The following RNPS1 variants were observed in gnomAD, a reference collection of about 807,000 sequenced individuals.
The protein encoded by RNPS1 is RNA binding protein with serine rich domain 1.
For synonymous variants in RNPS1, 147 were observed against 150.0 expected, an observed-to-expected ratio of 0.98 and a Z score of 0.15; for missense variants, 300 against 427.6, an observed-to-expected ratio of 0.70 and a Z score of 2.63.
At chr16:2,259,664 C>T (rs932566153) in intron 6 of RNPS1, among the ~76,000 whole-genome samples, 26 of 152,066 alleles carry the variant, frequency 1.7e-4, no homozygotes, top group African/African-American at 6.3e-4. Context: ...CTGAGGCGGG[C>T]GGATCACGAG....
intron 1 of RNPS1, chr16:2,267,216 A>T: frequency 1.0e-6 from 1 of 985,400 alleles, no homozygotes; most frequent in Non-Finnish European, 1.2e-6. Flanking sequence ...TACCTCCCCC[A>T]TCCTCCGGAA....
chr16:2,267,227 A>C (rs2093628529), intron 1 of RNPS1: 1 of 985,346 alleles, frequency 1.0e-6, no homozygotes, highest in African/African-American at 1.7e-5. Flanking sequence ...TCCTCCGGAA[A>C]GGTGCGCGTC....
intron 1 of RNPS1, 164 bp downstream of exon 1, chr16:2,267,891 C>A (rs1456670380): frequency 1.3e-5 from 19 of 1,515,662 alleles, no homozygotes; most frequent in Non-Finnish European, 1.6e-5. Flanking sequence ...ACCTCCCACT[C>A]CGCCCGCCCC....
At chr16:2,265,430 A>G (rs2141588144) in intron 1 of RNPS1, 1 of 152,310 alleles carries the variant, frequency 6.6e-6, no homozygotes, top group East Asian at 1.9e-4. Flanking sequence ...ATGGGTGGCT[A>G]GATACACCAT....
At chr16:2,261,609 T>C (rs1347486598) in intron 6 of RNPS1, among the ~76,000 whole-genome samples, 1 of 152,218 alleles carries the variant, frequency 6.6e-6, no homozygotes, top group Non-Finnish European at 1.5e-5. Context: ...TAGTACTGTC[T>C]GAGTAGTTAA....
chr16:2,262,648 G>T, intron 5 of RNPS1, 92 bp downstream of exon 5: 1 of 1,192,788 alleles, frequency 8.4e-7, no homozygotes, highest in Non-Finnish European at 1.2e-6. Context: ...CACCACCCCA[G>T]TCCTCCAAAA....
At chr16:2,265,117 G>C (rs1219096061) in intron 1 of RNPS1, 3 of 156,132 alleles carry the variant, frequency 1.9e-5, no homozygotes, top group African/African-American at 7.2e-5. Context: ...GCAGAACAGA[G>C]AAAAACCTAA....
Position 2,264,733 on chromosome 16 carries a change from T to A in RNPS1, c.-90A>T, listed in dbSNP as rs1341984546. ...CTTGATTCTGAGAAACGATCCCTAA[T>A]CGATTGCAATTTACGCCAAAGAGCA... On this transcript the variant is annotated 5_prime_UTR_variant, in exon 2 of 8. Transcript: ENST00000320225. 1 of 1,578,012 alleles carries A rather than the reference T, an allele frequency of 6.3e-7. No homozygotes were observed. Among genetic ancestry groups the A allele is most frequent in the East Asian group, 2.2e-5 (1 of 44,570 alleles).
In RNPS1 at chr16:2,262,595, TCCA is replaced by T. The variant is rs1355439836; in HGVS notation, c.522+142_522+144del. The T allele has an allele frequency of 6.4e-6, 6 of 934,900 alleles. No individual in the cohort carries two copies. In the Admixed American group the frequency reaches 1.4e-4, roughly 22 times the overall value. The allele number at this position is 934,900 out of a possible 1,614,324, so 57.9% of individuals were successfully genotyped here. ...ATCTCCCAGACACATGTATTAATGG[TCCA>T]CCAAGAGGAACGAATCAATGCTGTA... On this transcript the variant is annotated intron_variant, in intron 5 of 7. Transcript: ENST00000320225.
Position 2,254,168 on chromosome 16 carries a change from ACT to A in RNPS1, c.819-107_819-106del, listed in dbSNP as rs1465949014. On this transcript the variant is annotated intron_variant, in intron 7 of 7. Coordinates refer to ENST00000320225, the MANE Select transcript of RNPS1 (RefSeq NM_080594.4). ...GTTTTACTTTTTGAGATGGAATATCACTCTGTCTCCAGGCCAGAGTGCAGTGG... is the reference window on the plus strand; with the variant it reads ...GTTTTACTTTTTGAGATGGAATATCACTGTCTCCAGGCCAGAGTGCAGTGG... The A allele has an allele frequency of 5.7e-5, 46 of 812,826 alleles. 1 individual carries two copies. The highest frequency in any genetic ancestry group is 3.0e-4 in the East Asian group (10 of 33,136). The allele number at this position is 812,826 out of a possible 1,614,324, so 50.4% of individuals were successfully genotyped here.
At chr16:2,266,311 A>C in intron 1 of RNPS1, 1 of 985,412 alleles carries the variant, frequency 1.0e-6, no homozygotes, top group Middle Eastern at 5.2e-4. Flanking sequence ...CAGGGGTAAA[A>C]TGTTTTGCTT....
At position 2,268,096 on chromosome 16, in the gene RNPS1, C is replaced by A; in HGVS notation, c.-159G>T. 6.5e-7 allele frequency: 1 copy of A among 1,535,432 alleles called. No individual in the cohort carries two copies. The highest frequency in any genetic ancestry group is 8.7e-7 in the Non-Finnish European group (1 of 1,146,582). On this transcript the variant is annotated 5_prime_UTR_variant, in exon 1 of 8. Coordinates refer to ENST00000320225, the MANE Select transcript of RNPS1 (RefSeq NM_080594.4). ...CACCTCCTCCTGCTTTCCTCAGCCG[C>A]CGAGGCCGGCGCCGCTCTGACGTCA...
intron 7 of RNPS1, 102 bp from the exon 8 acceptor site, chr16:2,254,165 A>G (rs1404870716): frequency 4.8e-6 from 4 of 828,950 alleles, no homozygotes; most frequent in South Asian, 1.9e-5. Flanking sequence ...GAGATGGAAT[A>G]TCACTCTGTC....
At chr16:2,262,235 G>A in intron 6 of RNPS1, 43 bp downstream of exon 6, 2 of 1,582,916 alleles carry the variant, frequency 1.3e-6, no homozygotes, top group Non-Finnish European at 1.7e-6. Context: ...CCTCGCGGCG[G>A]CGGGTCTCTG....
chr16:2,263,844 C>T (rs1052265056), intron 3 of RNPS1: 5 of 287,508 alleles, frequency 1.7e-5, no homozygotes, highest in Admixed American at 4.9e-5. Context: ...TCCCAAGTAG[C>T]TGGGACTACA....
At chr16:2,260,946 C>T (rs1271400460) in intron 6 of RNPS1, among the ~76,000 whole-genome samples, 3 of 152,158 alleles carry the variant, frequency 2.0e-5, no homozygotes, top group Non-Finnish European at 2.9e-5. Flanking sequence ...CTGGCTAACA[C>T]GGTGAAACCC....
chr16:2,255,474 C>T (rs2093573811), intron 7 of RNPS1, 111 bp downstream of exon 7: 1 of 1,312,852 alleles, frequency 7.6e-7, no homozygotes, highest in Middle Eastern at 2.8e-4. Context: ...TGCTCTCTGC[C>T]AGCCCGCACA....
At chr16:2,267,864 CG>C in intron 1 of RNPS1, 190 bp downstream of exon 1, 2 of 1,517,752 alleles carry the variant, frequency 1.3e-6, no homozygotes, top group Admixed American at 4.0e-5. Context: ...CGACCACTTC[CG>C]GGCCACGGCC....
chr16:2,254,182 C>G (rs1427847849), intron 7 of RNPS1, 119 bp from the exon 8 acceptor site: 5 of 724,184 alleles, frequency 6.9e-6, no homozygotes, highest in Non-Finnish European at 8.5e-6. Flanking sequence ...TGTCTCCAGG[C>G]CAGAGTGCAG....
Sources: allele counts gnomAD v4.1 joint callset (sites outside exome capture counted in the v4.1 genomes callset), GRCh38; gene constraint gnomAD v4.1.1; transcripts MANE v1.5; gene names NCBI Gene and HGNC (gene_info 2026-07-23, HGNC 2026-07-21).